ADGRD1: variants seen among roughly 807,000 people sequenced by gnomAD.
ADGRD1 encodes the protein adhesion G protein-coupled receptor D1, also known as G-protein coupled receptor 133.
A neutral mutation model predicts 113.4 loss-of-function variants in ADGRD1; 77 were observed. The ratio of observed to expected loss-of-function variants is 0.68; its 90% CI spans 0.57 to 0.82. The LOEUF (loss-of-function observed/expected upper bound fraction) is 0.82. ADGRD1 is among the 40% of genes least tolerant of loss of function. The pLI is 0.00. For missense variants in ADGRD1, 1,036 were observed against 1,139.1 expected, an observed-to-expected ratio of 0.91 and a Z score of 1.30; for synonymous variants, 474 against 475.0, an observed-to-expected ratio of 1.00 and a Z score of 0.03.
At position 131,025,330 on chromosome 12, in the gene ADGRD1, C is replaced by T. The variant is rs532377280; in HGVS notation, c.1473+10990C>T. On this transcript the variant is annotated intron_variant, in intron 13 of 24. Coordinates refer to ENST00000261654, the MANE Select transcript of ADGRD1 (RefSeq NM_198827.5). ...TGCTTTTATATTTCTGAGGATGTTGCGGGGGCCTGCTCTTCTAAGTTAAAG... is the reference window on the plus strand; with the variant it reads ...TGCTTTTATATTTCTGAGGATGTTGTGGGGGCCTGCTCTTCTAAGTTAAAG... Among the ~76,000 whole-genome samples the T allele has an allele frequency of 1.9e-4, 29 of 152,080 alleles. No homozygotes were observed. In the South Asian group the frequency reaches 2.3e-3, roughly 12 times the overall value.
intron 14 of ADGRD1, among the ~76,000 whole-genome samples, chr12:131,080,526 C>T (rs1240300539): frequency 1.3e-5 from 2 of 152,136 alleles, no homozygotes; most frequent in Admixed American, 6.5e-5. Context: ...CTTACTACTA[C>T]TTTTCTGTCA....
At position 130,987,442 on chromosome 12, in the gene ADGRD1, CT is replaced by C; in HGVS notation, c.745+94del. 19 of 1,426,096 alleles carry C rather than the reference CT, an allele frequency of 1.3e-5. 1 individual carries two copies. The South Asian group carries it at 1.6e-4, about 12-fold the overall frequency. 88.3% of individuals were successfully genotyped at this position (1,426,096 alleles called of 1,614,324 possible). A position where few individuals can be genotyped will look rare whatever the true frequency, so the allele number is the denominator to read the frequency against. On this transcript the variant is annotated intron_variant, in intron 6 of 24. Transcript: ENST00000261654. The stretch of plus-strand genomic sequence containing the variant: ...CTTTCTCCCCACTCTCCCGTTGCAG[CT>C]ATCAGCACTGCAGGCGTGAGATGTG...
Position 131,096,793 on chromosome 12 carries a change from G to A in ADGRD1, c.1672-8038G>A, listed in dbSNP as rs187245260. On this transcript the variant is annotated intron_variant, in intron 15 of 24. Coordinates refer to ENST00000261654, the MANE Select transcript of ADGRD1 (RefSeq NM_198827.5). The surrounding 1 kb of genome is among the most constrained non-coding windows in gnomAD (Gnocchi z 5.2). ...GCAGCCATCGTCTGGGGCACAGTGG[G>A]GACTCAGCCCTGAGTTCCCAGTCAT... Among the ~76,000 whole-genome samples the A allele has an allele frequency of 6.6e-6, 1 of 152,284 alleles. No individual in the cohort carries two copies. Among genetic ancestry groups the A allele is most frequent in the East Asian group, 1.9e-4 (1 of 5,184 alleles).
intron 9 of ADGRD1, 52 bp downstream of exon 9, chr12:131,000,494 C>G (rs748711818): frequency 2.1e-6 from 3 of 1,452,776 alleles, no homozygotes; most frequent in Admixed American, 1.7e-5. Context: ...ATAATCCCAG[C>G]ACTTTGGGAG....
rs772026965 is a variant in ADGRD1, at chr12:131,014,314, A to G, written c.1447A>G (p.Ile483Val). ...TCAGAACCTGTCGGGCTCTCCACTC[A>G]TTACGGTCCACCTCAAGCACAGATT... ...LSQNLSGSPL[I>V]TVHLKHRLTR... is the part of the protein sequence containing the mutation. Residue 483 changes from isoleucine to valine, a missense_variant, in exon 13 of 25, where the codon ATT becomes GTT. Coordinates refer to ENST00000261654, the MANE Select transcript of ADGRD1 (RefSeq NM_198827.5). 3 of 1,613,932 alleles carry G rather than the reference A, an allele frequency of 1.9e-6. No homozygotes were observed. Among genetic ancestry groups the G allele is most frequent in the Admixed American group, 3.3e-5 (2 of 60,000 alleles).
intron 3 of ADGRD1, chr12:130,967,277 C>T (rs575628479): frequency 6.2e-5 from 14 of 227,634 alleles, no homozygotes; most frequent in African/African-American, 2.4e-4. Context: ...TCGCCTAAGA[C>T]GTTTCCAGTG....
chr12:131,008,934 C>T (rs918997877), intron 12 of ADGRD1, among the ~76,000 whole-genome samples: 1 of 152,198 alleles, frequency 6.6e-6, no homozygotes, highest in Non-Finnish European at 1.5e-5. Context: ...TAGAGTGACA[C>T]GGAGCACCGA....
chr12:131,134,609 C>T lies in ADGRD1; in HGVS notation c.2268-1428C>T, dbSNP rs549242043. Among the ~76,000 whole-genome samples, 22 of 152,354 alleles carry T rather than the reference C, an allele frequency of 1.4e-4. No homozygotes were observed. The South Asian group carries it at 4.1e-3, about 29-fold the overall frequency. Reference sequence around the variant, plus strand: ...CATTAGCATTATGAGAACAAGCTGGCTGCGGCTTCTCTGAGAGCTGAAGTG... The same window carrying T: ...CATTAGCATTATGAGAACAAGCTGGTTGCGGCTTCTCTGAGAGCTGAAGTG... On this transcript the variant is annotated intron_variant, in intron 21 of 24. Coordinates refer to ENST00000261654, the MANE Select transcript of ADGRD1 (RefSeq NM_198827.5).
At chr12:131,129,704 T>A (rs996994583) in intron 20 of ADGRD1, among the ~76,000 whole-genome samples, 4 of 152,290 alleles carry the variant, frequency 2.6e-5, no homozygotes, top group African/African-American at 9.6e-5. Flanking sequence ...ACTGGAAGAA[T>A]TGTTTTGAAA....
At chr12:131,125,546 A>T (rs972000848) in intron 20 of ADGRD1, among the ~76,000 whole-genome samples, 1 of 152,208 alleles carries the variant, frequency 6.6e-6, no homozygotes, top group Admixed American at 6.5e-5. Context: ...ACATAGAGAC[A>T]GATACACAGA....
At chr12:131,100,828 C>A (rs561883846) in intron 15 of ADGRD1, among the ~76,000 whole-genome samples, 1 of 152,322 alleles carries the variant, frequency 6.6e-6, no homozygotes, top group South Asian at 2.1e-4. Context: ...CCCACTGGAA[C>A]CTCACTGCAT....
At chr12:131,038,178 C>T (rs1353407268) in intron 13 of ADGRD1, among the ~76,000 whole-genome samples, 2 of 152,360 alleles carry the variant, frequency 1.3e-5, no homozygotes, top group Non-Finnish European at 2.9e-5. Context: ...ACTGTTGAGA[C>T]GTGTGGGGAC....
chr12:130,969,035 C>T, intron 3 of ADGRD1: 6 of 1,533,644 alleles, frequency 3.9e-6, no homozygotes, highest in Non-Finnish European at 5.2e-6. Context: ...TTGTGTATTC[C>T]AATGATTCTG....
At chr12:130,999,272 G>A (rs889482296) in intron 8 of ADGRD1, among the ~76,000 whole-genome samples, 7 of 152,212 alleles carry the variant, frequency 4.6e-5, no homozygotes, top group Admixed American at 2.0e-4. Flanking sequence ...CTTTTGCACT[G>A]CCATGGCAGA....
At chr12:130,955,255 A>G (rs1000993776) in intron 2 of ADGRD1, among the ~76,000 whole-genome samples, 8 of 151,672 alleles carry the variant, frequency 5.3e-5, no homozygotes, top group Non-Finnish European at 8.8e-5. Flanking sequence ...GTGAGCCACC[A>G]CACCCATCTC....
intron 18 of ADGRD1, among the ~76,000 whole-genome samples, chr12:131,117,716 G>T (rs545057353): frequency 1.3e-5 from 2 of 152,338 alleles, no homozygotes; most frequent in African/African-American, 4.8e-5. Flanking sequence ...CTCATGGAAA[G>T]ATGGAGTGTG....
At chr12:131,029,815 G>A (rs1346227474) in intron 13 of ADGRD1, among the ~76,000 whole-genome samples, 1 of 96,268 alleles carries the variant, frequency 1.0e-5, no homozygotes, top group Non-Finnish European at 2.3e-5. Flanking sequence ...CCTCTTAACG[G>A]TGACATTCCC....
At chr12:131,066,834 G>T (rs1216620775) in intron 13 of ADGRD1, among the ~76,000 whole-genome samples, 2 of 152,216 alleles carry the variant, frequency 1.3e-5, no homozygotes, top group South Asian at 2.1e-4. Flanking sequence ...CTGAGGAGCG[G>T]CCAGGAGGCC....
intron 21 of ADGRD1, among the ~76,000 whole-genome samples, chr12:131,132,633 A>T (rs997531361): frequency 1.3e-5 from 2 of 152,120 alleles, no homozygotes; most frequent in Admixed American, 6.5e-5. Context: ...CCCACGGGGG[A>T]GTCCCTGTCC....
Sources: allele counts gnomAD v4.1 joint callset (sites outside exome capture counted in the v4.1 genomes callset), GRCh38; gene constraint gnomAD v4.1.1; non-coding constraint Gnocchi (gnomAD v3.1); transcripts MANE v1.5; gene names NCBI Gene and HGNC (gene_info 2026-07-23, HGNC 2026-07-21).